Variants in CRADD observed in about 807,000 individuals in gnomAD.
CRADD encodes death domain-containing protein CRADD.
CRADD carries 9 observed loss-of-function variants against 15.5 expected under a neutral mutation model. The ratio of observed to expected loss-of-function variants is 0.58; its 90% CI spans 0.35 to 1.01. The LOEUF (loss-of-function observed/expected upper bound fraction) is 1.01. Among genes scored for constraint, CRADD ranks in the 50% least tolerant of loss-of-function variants. The probability of loss-of-function intolerance (pLI) is 0.02; values close to 1 mark genes in which losing one functional copy is unlikely to be tolerated. For missense variants in CRADD, 227 were observed against 250.3 expected (o/e 0.91, Z 0.63); for synonymous variants, 118 against 107.6 (o/e 1.10, Z -0.60).
At chr12:93,803,543 T>A (rs1373508386) in intron 2 of CRADD, among the ~76,000 whole-genome samples, 2 of 151,946 alleles carry the variant, frequency 1.3e-5, no homozygotes, top group Admixed American at 1.3e-4. Flanking sequence ...TAAGCGTCTT[T>A]AAAAAAAACT....
At chr12:93,758,978 CTT>C (rs1434964883) in intron 2 of CRADD, among the ~76,000 whole-genome samples, 6 of 152,136 alleles carry the variant, frequency 3.9e-5, no homozygotes, top group Non-Finnish European at 4.4e-5. Flanking sequence ...TATTTTGTCT[CTT>C]TTGAGCTATC....
intron 2 of CRADD, among the ~76,000 whole-genome samples, chr12:93,860,454 C>T (rs1238569093): frequency 6.6e-6 from 1 of 152,124 alleles, no homozygotes; most frequent in African/African-American, 2.4e-5. Flanking sequence ...AGGGATATAG[C>T]AGTCAATGTG....
At chr12:93,836,118 G>A (rs139535937) in intron 2 of CRADD, 5 of 152,222 alleles carry the variant, frequency 3.3e-5, no homozygotes, top group Non-Finnish European at 5.9e-5. Flanking sequence ...GTTAGTTCTC[G>A]TTGTCCACAT....
chr12:93,682,857 T>C (rs575576813), intron 2 of CRADD, among the ~76,000 whole-genome samples: 1 of 152,214 alleles, frequency 6.6e-6, no homozygotes, highest in South Asian at 2.1e-4. Flanking sequence ...AATGGATCAT[T>C]GGTTTTGTGT....
At chr12:93,726,886 T>A (rs1259655301) in intron 2 of CRADD, among the ~76,000 whole-genome samples, 2 of 152,218 alleles carry the variant, frequency 1.3e-5, no homozygotes, top group Non-Finnish European at 2.9e-5. Context: ...GAAAGAGCCC[T>A]CTTTGGCATT....
At chr12:93,725,403 G>A (rs1243292133) in intron 2 of CRADD, among the ~76,000 whole-genome samples, 2 of 152,070 alleles carry the variant, frequency 1.3e-5, no homozygotes, top group Non-Finnish European at 2.9e-5. Context: ...ACACTGTCCT[G>A]TTTTGAAGAA....
At chr12:93,839,797 C>A (rs544808815) in intron 2 of CRADD, among the ~76,000 whole-genome samples, 1 of 152,274 alleles carries the variant, frequency 6.6e-6, no homozygotes, top group Non-Finnish European at 1.5e-5. Context: ...TCAGAAACAC[C>A]TTACCCAGCC....
intron 2 of CRADD, among the ~76,000 whole-genome samples, chr12:93,887,621 A>G (rs937942951): frequency 6.6e-6 from 1 of 152,238 alleles, no homozygotes; most frequent in Non-Finnish European, 1.5e-5. Context: ...TTTGATTTGC[A>G]CATCTGACTG....
chr12:93,856,721 A>G (rs1384684061), intron 2 of CRADD, among the ~76,000 whole-genome samples: 33 of 152,230 alleles, frequency 2.2e-4, no homozygotes, highest in Admixed American at 2.2e-3. Context: ...ATACATCAAG[A>G]TGACAGTGAC....
intron 2 of CRADD, among the ~76,000 whole-genome samples, chr12:93,792,771 A>G (rs1957364420): frequency 6.6e-6 from 1 of 152,174 alleles, no homozygotes; most frequent in Admixed American, 6.5e-5. Flanking sequence ...ATAACCTCCC[A>G]AGGTCATGTA....
intron 2 of CRADD, among the ~76,000 whole-genome samples, chr12:93,885,647 A>G (rs1032740957): frequency 2.6e-5 from 4 of 152,214 alleles, no homozygotes; most frequent in Admixed American, 2.6e-4. Context: ...TGATCTGGGT[A>G]TATTCTCCTC....
In CRADD at chr12:93,719,731, AGTT is replaced by A. The variant is rs367621083; in HGVS notation, c.298+40663_298+40665del. On this transcript the variant is annotated intron_variant, in intron 2 of 2. Coordinates refer to ENST00000332896, the MANE Select transcript of CRADD (RefSeq NM_003805.5). ...TATGTTATCAAATTTGTGGGCATAA[AGTT>A]GTTTATAAAACTTCTTTATCCTTTT... Among the ~76,000 whole-genome samples, 267 of 152,260 alleles carry A rather than the reference AGTT, an allele frequency of 1.8e-3. 1 individual carries two copies. The highest frequency in any genetic ancestry group is 5.7e-3 in the African/African-American group (238 of 41,580).
chr12:93,854,954 G>A (rs1487749735), downstream of CRADD, among the ~76,000 whole-genome samples: 1 of 152,206 alleles, frequency 6.6e-6, no homozygotes, highest in Non-Finnish European at 1.5e-5. Context: ...AGCGCTTTGG[G>A]AGGCTGAGGC....
chr12:93,791,401 C>T (rs980828610), intron 2 of CRADD, among the ~76,000 whole-genome samples: 8 of 151,760 alleles, frequency 5.3e-5, no homozygotes, highest in Admixed American at 5.3e-4. Flanking sequence ...GCAGATGTTA[C>T]GTTAAGTTAA....
At chr12:93,887,479 A>G (rs1236846591) in intron 2 of CRADD, among the ~76,000 whole-genome samples, 1 of 152,248 alleles carries the variant, frequency 6.6e-6, no homozygotes. Flanking sequence ...GGAAGTTCTT[A>G]AATATGTCGA....
rs191644321 is a variant in CRADD at position 93,754,852 on chromosome 12, C to T, written c.298+75780C>T. Among the ~76,000 whole-genome samples, 52 of 152,244 alleles carry T rather than the reference C, an allele frequency of 3.4e-4. 2 individuals are homozygous for T. Among genetic ancestry groups the T allele is most frequent in the Admixed American group, 2.1e-3 (32 of 15,288 alleles). On this transcript the variant is annotated intron_variant, in intron 2 of 2. Coordinates refer to ENST00000332896, the MANE Select transcript of CRADD (RefSeq NM_003805.5). ...TCTGCCTGTTACCCAGTTCCAAAGT[C>T]GCTTCCACATTTTTGGGTATCTTTA...
In CRADD at chr12:93,792,119, T is replaced by C. The variant is rs1592994620; in HGVS notation, c.299-57851T>C. Among the ~76,000 whole-genome samples, 9 of 152,270 alleles carry C rather than the reference T, an allele frequency of 5.9e-5. No homozygotes were observed. The South Asian group carries it at 1.4e-3, about 25-fold the overall frequency. On this transcript the variant is annotated intron_variant, in intron 2 of 2. Transcript: ENST00000332896. The stretch of plus-strand genomic sequence containing the variant: ...ACATTTTATAAAAGCATTTTTCTCT[T>C]CACAATAGCTGGAAGTGGAACATCC...
intron 2 of CRADD, among the ~76,000 whole-genome samples, chr12:93,856,693 C>CT (rs1296649247): frequency 6.6e-6 from 1 of 152,152 alleles, no homozygotes; most frequent in Non-Finnish European, 1.5e-5. Context: ...AATTTAGAAA[C>CT]TAAGTGGCAA....
At chr12:93,743,400 C>T (rs549669937) in intron 2 of CRADD, among the ~76,000 whole-genome samples, 1 of 152,160 alleles carries the variant, frequency 6.6e-6, no homozygotes, top group Admixed American at 6.5e-5. Context: ...GGGTCCAACT[C>T]AGTTCACTGC....
Sources: allele counts gnomAD v4.1 joint callset (sites outside exome capture counted in the v4.1 genomes callset), GRCh38; gene constraint gnomAD v4.1.1; transcripts MANE v1.5; gene names NCBI Gene and HGNC (gene_info 2026-07-23, HGNC 2026-07-21).